Variants in ZNF662 observed in about 807,000 individuals in gnomAD.
The protein encoded by ZNF662 is zinc finger protein 662.
ZNF662 carries 14 observed loss-of-function variants against 12.4 expected under a neutral mutation model. The ratio of observed to expected loss-of-function variants is 1.13; its 90% CI spans 0.75 to 1.77. The LOEUF (loss-of-function observed/expected upper bound fraction) is 1.77. Among genes scored for constraint, ZNF662 ranks in the 40% most tolerant of loss-of-function variants. The pLI is 0.00. For synonymous variants in ZNF662, 184 were observed against 176.4 expected (o/e 1.04, Z -0.34); for missense variants, 550 against 515.6 (o/e 1.07, Z -0.65).
At chr3:42,911,669 C>T (rs74429788) in intron 3 of ZNF662, among the ~76,000 whole-genome samples, 1,577 of 152,246 alleles carry the variant, frequency 0.01, 47 homozygotes, top group Non-Finnish European at 1.0e-2. Flanking sequence ...TAGAATTGAT[C>T]TGTTTCTTAG....
intron 1 of ZNF662, among the ~76,000 whole-genome samples, chr3:42,907,368 G>A (rs1559379612): frequency 1.3e-5 from 2 of 152,146 alleles, no homozygotes; most frequent in Admixed American, 1.3e-4. Context: ...CAACCTGAAT[G>A]TTCTGAGGAG....
intron 3 of ZNF662, among the ~76,000 whole-genome samples, chr3:42,912,227 AATAT>A (rs990914095): frequency 1.5e-5 from 2 of 134,722 alleles, no homozygotes; most frequent in East Asian, 4.1e-4. Context: ...ATATAAATAA[AATAT>A]ATATAAATAT....
rs193129115 is a variant in ZNF662, at chr3:42,916,048, A to G, written c.*694A>G. ...GAAACATTAATCTTTGACTAGATATAACATGCTCATGATAAAAAAGAATTG... is the reference window on the plus strand; with the variant it reads ...GAAACATTAATCTTTGACTAGATATGACATGCTCATGATAAAAAAGAATTG... On this transcript the variant is annotated 3_prime_UTR_variant, in exon 5 of 5. Coordinates refer to ENST00000440367, the MANE Select transcript of ZNF662 (RefSeq NM_207404.4). The G allele has an allele frequency of 6.6e-6, 1 of 152,164 alleles. No individual in the cohort carries two copies. Among genetic ancestry groups the G allele is most frequent in the Non-Finnish European group, 1.5e-5 (1 of 68,022 alleles). 9.4% of individuals were successfully genotyped at this position (152,164 alleles called of 1,614,324 possible).
Position 42,915,374 on chromosome 3 carries a change from C to T in ZNF662, c.*20C>T, listed in dbSNP as rs1450566767. 2 of 1,524,386 alleles carry T rather than the reference C, an allele frequency of 1.3e-6. No homozygotes were observed. The highest frequency in any genetic ancestry group is 2.2e-5 in the Admixed American group (1 of 44,914). 94.4% of individuals were successfully genotyped at this position (1,524,386 alleles called of 1,614,324 possible). ...CATTAGAGAGTGCATAATGGTGATA[C>T]TTGTTTATAATTCTTATGCTGCAGG... On this transcript the variant is annotated 3_prime_UTR_variant, in exon 5 of 5. Transcript: ENST00000440367.
Position 42,913,468 on chromosome 3 carries a change from TCATTAGGA to T in ZNF662, c.253+169_253+176del, listed in dbSNP as rs1292214525. Reference sequence around the variant, plus strand: ...AACTTAAACCCTAAGCTTCCAACTTTCATTAGGACAAGCTCAATTAATTAAATTAATTA... The same window carrying T: ...AACTTAAACCCTAAGCTTCCAACTTTCAAGCTCAATTAATTAAATTAATTA... On this transcript the variant is annotated intron_variant, in intron 4 of 4. Coordinates refer to ENST00000440367, the MANE Select transcript of ZNF662 (RefSeq NM_207404.4). Among the ~76,000 whole-genome samples the T allele has an allele frequency of 5.3e-5, 8 of 152,346 alleles. 1 individual carries two copies. Among genetic ancestry groups the T allele is most frequent in the African/African-American group, 1.9e-4 (8 of 41,572 alleles).
intron 3 of ZNF662, among the ~76,000 whole-genome samples, chr3:42,912,558 A>ATATT (rs3045049): frequency 0.94 from 83,852 of 89,074 alleles, 39,621 homozygotes; most frequent in South Asian, 0.98. Context: ...TAATATAAAT[A>ATATT]TATATATAAA....
rs781392984 is a variant in ZNF662 at position 42,908,765 on chromosome 3, C to G, written c.35-28C>G. The G allele has an allele frequency of 2.2e-5, 36 of 1,606,370 alleles. 1 individual carries two copies. Among genetic ancestry groups the G allele is most frequent in the Middle Eastern group, 1.6e-4 (1 of 6,064 alleles). ...GATTACTGTGTGCCATGCCACTCAC[C>G]TGCCTGTCCCATTTCTTTCCTTTTA... is the stretch of plus-strand genomic sequence containing the variant. On this transcript the variant is annotated intron_variant, in intron 2 of 4. Transcript: ENST00000440367.
chr3:42,913,127 C>T, intron 3 of ZNF662, 74 bp from the exon 4 acceptor site: 1 of 1,056,694 alleles, frequency 9.5e-7, no homozygotes, highest in East Asian at 2.4e-5. Flanking sequence ...CCTACCACTT[C>T]CATGTCTGCT....
At chr3:42,912,720 A>ATTTTTTATATATATAAATATATATT (rs2088841627) in intron 3 of ZNF662, among the ~76,000 whole-genome samples, 1 of 66,430 alleles carries the variant, frequency 1.5e-5, no homozygotes, top group Non-Finnish European at 2.8e-5. Context: ...ATATATATAT[A>ATTTTTTATATATATAAATATATATT]TTTTTTATAT....
chr3:42,919,238 A>G lies in ZNF662; in HGVS notation c.*3884A>G, dbSNP rs75145596. 1.6e-3 allele frequency among the ~76,000 whole-genome samples: 246 copies of G among 152,390 alleles called. 4 individuals carry two copies. In the East Asian group the frequency reaches 0.032, roughly 20 times the overall value. ...GAGTCTAAAATCTAATGACAAATATATAAGTCTTGAAACATAATTTCTCTC... is the reference window on the plus strand; with the variant it reads ...GAGTCTAAAATCTAATGACAAATATGTAAGTCTTGAAACATAATTTCTCTC... On this transcript the variant is annotated 3_prime_UTR_variant, in exon 5 of 5. Coordinates refer to ENST00000440367, the MANE Select transcript of ZNF662 (RefSeq NM_207404.4).
intron 3 of ZNF662, among the ~76,000 whole-genome samples, chr3:42,910,755 G>A (rs1363355448): frequency 6.6e-6 from 1 of 152,110 alleles, no homozygotes; most frequent in African/African-American, 2.4e-5. Flanking sequence ...TTCCCATAGG[G>A]CTCTTATGTG....
Position 42,909,772 on chromosome 3 carries a change from G to A in ZNF662, c.151+863G>A, listed in dbSNP as rs574416572. Reference sequence around the variant, plus strand: ...TCAGACGGGGCGGCCAGTCAGAGACGCTCCTCACCTCCCAGATGGCGTGGC... The same window carrying A: ...TCAGACGGGGCGGCCAGTCAGAGACACTCCTCACCTCCCAGATGGCGTGGC... On this transcript the variant is annotated intron_variant, in intron 3 of 4. Coordinates refer to ENST00000440367, the MANE Select transcript of ZNF662 (RefSeq NM_207404.4). Among the ~76,000 whole-genome samples, 7 of 149,332 alleles carry A rather than the reference G, an allele frequency of 4.7e-5. No individual in the cohort carries two copies. The East Asian group carries it at 1.2e-3, about 26-fold the overall frequency.
rs1224441547 is a variant in ZNF662, at chr3:42,914,778, C to T, written c.705C>T (p.Cys235=). The change falls in exon 5 of 5, where the codon TGC becomes TGT. Residue 235 remains cysteine, a synonymous_variant. Transcript: ENST00000440367. ...CGKAFSFRSH[C]IAHQRIHSGV... ...AGGCTTTCAGTTTTCGATCACATTG[C>T]ATTGCACATCAGAGAATTCACAGTG... The T allele has an allele frequency of 2.5e-6, 4 of 1,613,192 alleles. No homozygotes were observed. In the East Asian group the frequency reaches 6.7e-5, roughly 27 times the overall value.
At chr3:42,912,720 A>ATTTTTATATATATAAATATATATATTTT (rs2088841287) in intron 3 of ZNF662, among the ~76,000 whole-genome samples, 3 of 66,410 alleles carry the variant, frequency 4.5e-5, no homozygotes, top group East Asian at 7.6e-4. Context: ...ATATATATAT[A>ATTTTTATATATATAAATATATATATTTT]TTTTTTATAT....
At position 42,908,092 on chromosome 3, in the gene ZNF662, A is replaced by G; in HGVS notation, c.-23A>G. 6.2e-7 allele frequency: 1 copy of G among 1,614,168 alleles called. No individual in the cohort carries two copies. The highest frequency in any genetic ancestry group is 8.5e-7 in the Non-Finnish European group (1 of 1,179,992). ...GAATGGATCGGCCTGGGCCCTGCTC[A>G]GAGAGCCCTGTACAGGGATGTGATG... On this transcript the variant is annotated 5_prime_UTR_variant, in exon 2 of 5. Transcript: ENST00000440367.
intron 3 of ZNF662, among the ~76,000 whole-genome samples, chr3:42,910,573 A>G (rs1418481831): frequency 6.6e-6 from 1 of 151,992 alleles, no homozygotes; most frequent in Non-Finnish European, 1.5e-5. Flanking sequence ...CCAGCTTGGG[A>G]TATAATGGCC....
At chr3:42,909,417 GA>G (rs1433785988) in intron 3 of ZNF662, among the ~76,000 whole-genome samples, 1 of 151,862 alleles carries the variant, frequency 6.6e-6, no homozygotes, top group African/African-American at 2.4e-5. Context: ...CAAGGCAGAA[GA>G]ATTTTTCTTA....
Position 42,918,867 on chromosome 3 carries a change from G to A in ZNF662, c.*3513G>A, listed in dbSNP as rs770372235. ...GAAGACAATCAAAATGAAACAAAGCGGGGATGGTAAGGACAGCTAAAAAAA... is the reference window on the plus strand; with the variant it reads ...GAAGACAATCAAAATGAAACAAAGCAGGGATGGTAAGGACAGCTAAAAAAA... On this transcript the variant is annotated 3_prime_UTR_variant, in exon 5 of 5. Coordinates refer to ENST00000440367, the MANE Select transcript of ZNF662 (RefSeq NM_207404.4). Among the ~76,000 whole-genome samples, 10 of 152,082 alleles carry A rather than the reference G, an allele frequency of 6.6e-5. No individual in the cohort carries two copies. Among genetic ancestry groups the A allele is most frequent in the African/African-American group, 2.4e-4 (10 of 41,380 alleles).
rs60980399 is a variant in ZNF662, at chr3:42,914,600, A to G, written c.527A>G (p.Asn176Ser). 1.1e-4 allele frequency: 179 copies of G among 1,614,198 alleles called. No individual in the cohort carries two copies. Among genetic ancestry groups the G allele is most frequent in the Non-Finnish European group, 1.3e-4 (157 of 1,180,028 alleles). ...VEESSGNTDV[N>S]NLLGIHHKIL... ...GAGAGTTCAGGGAATACTGATGTCA[A>G]TAACCTCCTTGGTATACATCACAAA... Residue 176 changes from asparagine to serine, a missense_variant, in exon 5 of 5, where the codon AAT (asparagine) becomes AGT (serine). By Grantham distance (46) the Asn-to-Ser change is conservative. Transcript: ENST00000440367.
Sources: allele counts gnomAD v4.1 joint callset (sites outside exome capture counted in the v4.1 genomes callset), GRCh38; gene constraint gnomAD v4.1.1; transcripts MANE v1.5; gene names NCBI Gene and HGNC (gene_info 2026-07-23, HGNC 2026-07-21).